Variants in LINGO1 observed in about 807,000 individuals in gnomAD.
LINGO1 encodes leucine rich repeat and Ig domain containing 1.
Under a neutral mutation model 37.3 loss-of-function variants are expected in LINGO1, and 11 were observed. That is an observed-to-expected ratio of 0.29 (90% CI 0.19 to 0.49). The LOEUF (loss-of-function observed/expected upper bound fraction) is 0.49. LINGO1 is among the 20% of genes least tolerant of loss of function. The pLI, the probability that LINGO1 is intolerant of heterozygous loss-of-function variation, is 0.99. For missense variants in LINGO1, 585 were observed against 878.2 expected (o/e 0.67, Z 4.22); for synonymous variants, 387 against 403.0 (o/e 0.96, Z 0.48).
chr15:77,643,356 C>A (rs1028707130), intron 3 of LINGO1, among the ~76,000 whole-genome samples: 5 of 152,192 alleles, frequency 3.3e-5, no homozygotes, highest in African/African-American at 1.2e-4. Flanking sequence ...AGAGGCAAAC[C>A]TCAGGGTAGG....
At chr15:77,787,697 C>T (rs2076785685), upstream of LINGO1, among the ~76,000 whole-genome samples, 2 of 152,174 alleles carry the variant, frequency 1.3e-5, no homozygotes, top group South Asian at 2.1e-4. Context: ...TGCCCATCTT[C>T]AGCGTCCCCA....
Position 77,618,020 on chromosome 15 carries a change from C to A in LINGO1, c.7-2120G>T, listed in dbSNP as rs1292237612. On this transcript the variant is annotated intron_variant, in intron 1 of 1. Transcript: ENST00000355300. ...CCAGGCTATTTTCCACAGTCACACACGCTCCAGTGACCCACCAGAAAAGCA... is the reference window on the plus strand; with the variant it reads ...CCAGGCTATTTTCCACAGTCACACAAGCTCCAGTGACCCACCAGAAAAGCA... 2.6e-5 allele frequency among the ~76,000 whole-genome samples: 4 copies of A among 152,198 alleles called. No homozygotes were observed. In the East Asian group the frequency reaches 7.7e-4, roughly 29 times the overall value.
upstream of LINGO1, chr15:77,787,891 C>T (rs951279837): frequency 7.2e-5 from 11 of 152,234 alleles, no homozygotes; most frequent in African/African-American, 2.7e-4. Flanking sequence ...CTCCCCAGAA[C>T]CTGCAGACTA....
chr15:77,646,964 G>A (rs919777138), intron 3 of LINGO1, among the ~76,000 whole-genome samples: 6 of 152,206 alleles, frequency 3.9e-5, no homozygotes, highest in African/African-American at 1.2e-4. Flanking sequence ...CTTTACAGGG[G>A]AGGGAACGGG....
At chr15:77,715,762 C>T (rs929404335) in intron 2 of LINGO1, among the ~76,000 whole-genome samples, 2 of 152,180 alleles carry the variant, frequency 1.3e-5, no homozygotes, top group Non-Finnish European at 2.9e-5. Context: ...TCCAAATATC[C>T]TTTCTGCCTG....
At chr15:77,663,067 T>C (rs990527432) in intron 3 of LINGO1, among the ~76,000 whole-genome samples, 4 of 152,200 alleles carry the variant, frequency 2.6e-5, no homozygotes, top group Admixed American at 6.5e-5. Flanking sequence ...CTCACCTCCA[T>C]AGACATCCAG....
intron 3 of LINGO1, chr15:77,646,330 C>A: frequency 2.6e-6 from 1 of 382,396 alleles, no homozygotes. Flanking sequence ...TACATGGAGG[C>A]GCCTCCCCAG....
At chr15:77,781,590 T>C (rs2076717433) in intron 1 of LINGO1, among the ~76,000 whole-genome samples, 1 of 152,256 alleles carries the variant, frequency 6.6e-6, no homozygotes, top group Non-Finnish European at 1.5e-5. Flanking sequence ...CCCCAGTCGC[T>C]GCACGTGGTG....
At chr15:77,695,328 G>A (rs554762324) in intron 1 of LINGO1, among the ~76,000 whole-genome samples, 1 of 152,210 alleles carries the variant, frequency 6.6e-6, no homozygotes, top group South Asian at 2.1e-4. Context: ...TGGGGTGGGA[G>A]GGAGAAGGCG....
At chr15:77,658,298 C>T (rs2074912177) in intron 3 of LINGO1, among the ~76,000 whole-genome samples, 1 of 152,238 alleles carries the variant, frequency 6.6e-6, no homozygotes, top group African/African-American at 2.4e-5. Context: ...CCAAAGCCCA[C>T]CCTTGTAGTA....
Position 77,664,170 on chromosome 15 carries a change from TGC to T in LINGO1, c.-13+12917_-13+12918del, listed in dbSNP as rs143405934. Among the ~76,000 whole-genome samples the T allele has an allele frequency of 9.8e-4, 128 of 131,004 alleles. 1 individual carries two copies. The highest frequency in any genetic ancestry group is 1.4e-3 in the Non-Finnish European group (88 of 64,704). 85.9% of individuals were successfully genotyped at this position (131,004 alleles called of 152,430 possible). A position where few individuals can be genotyped will look rare whatever the true frequency, so the allele number is the denominator to read the frequency against. On this transcript the variant is annotated intron_variant, in intron 3 of 3. Coordinates refer to the LINGO1 transcript ENST00000559893. Reference sequence around the variant, plus strand: ...GTGTGTGTGTGTGTGTGTGTGTGTGTGCGCGCGCGCATGCGTTTGCATTCTCA... The same window carrying T: ...GTGTGTGTGTGTGTGTGTGTGTGTGTGCGCGCGCATGCGTTTGCATTCTCA...
At position 77,613,911 on chromosome 15, in the gene LINGO1, G is replaced by A; in HGVS notation, c.*133C>T. 1 of 774,240 alleles carries A rather than the reference G, an allele frequency of 1.3e-6. No homozygotes were observed. Among genetic ancestry groups the A allele is most frequent in the South Asian group, 1.8e-5 (1 of 54,252 alleles). 48.0% of individuals were successfully genotyped at this position (774,240 alleles called of 1,614,324 possible). A position where few individuals can be genotyped will look rare whatever the true frequency, so the allele number is the denominator to read the frequency against. Reference sequence around the variant, plus strand: ...GGGCTGGCGGGGGGCAGCAGGGGACGGAGGCGGGAGGGAGAAAGAGAACGT... The same window carrying A: ...GGGCTGGCGGGGGGCAGCAGGGGACAGAGGCGGGAGGGAGAAAGAGAACGT... On this transcript the variant is annotated 3_prime_UTR_variant, in exon 2 of 2. Coordinates refer to ENST00000355300, the MANE Select transcript of LINGO1 (RefSeq NM_032808.7).
chr15:77,697,172 G>T (rs550974861), upstream of LINGO1, among the ~76,000 whole-genome samples: 18 of 152,322 alleles, frequency 1.2e-4, no homozygotes, highest in African/African-American at 4.3e-4. Context: ...CTGTGTAGGG[G>T]CTGGAGCAGC....
At chr15:77,751,018 G>C (rs766482896) in intron 1 of LINGO1, among the ~76,000 whole-genome samples, 1 of 152,148 alleles carries the variant, frequency 6.6e-6, no homozygotes, top group African/African-American at 2.4e-5. Flanking sequence ...GCAGCGTGGA[G>C]GGTATTCCGC....
At chr15:77,749,188 G>A (rs1348693137) in intron 1 of LINGO1, among the ~76,000 whole-genome samples, 4 of 152,050 alleles carry the variant, frequency 2.6e-5, no homozygotes, top group African/African-American at 9.7e-5. Context: ...GATTACAGGG[G>A]TGAGCCACTG....
At chr15:77,795,539 A>G (rs893158691) in intron 2 of LINGO1, among the ~76,000 whole-genome samples, 1 of 152,186 alleles carries the variant, frequency 6.6e-6, no homozygotes, top group Non-Finnish European at 1.5e-5. Flanking sequence ...AGCCAATGTC[A>G]GCCTCTTGAC....
intron 1 of LINGO1, among the ~76,000 whole-genome samples, chr15:77,765,280 C>A (rs140965559): frequency 3.3e-5 from 5 of 151,988 alleles, no homozygotes; most frequent in African/African-American, 1.2e-4. Context: ...CCAGCTGCGG[C>A]GGTGCACACT....
intron 2 of LINGO1, among the ~76,000 whole-genome samples, chr15:77,727,571 G>A (rs529916076): frequency 6.6e-6 from 1 of 152,320 alleles, no homozygotes; most frequent in South Asian, 2.1e-4. Flanking sequence ...AAGGCTGCCA[G>A]GGGCTGTGGG....
intron 1 of LINGO1, among the ~76,000 whole-genome samples, chr15:77,781,780 C>T (rs2076719905): frequency 6.6e-6 from 1 of 152,244 alleles, no homozygotes; most frequent in Non-Finnish European, 1.5e-5. Flanking sequence ...CAGTGGGGAG[C>T]TGCCGGTGTT....
Sources: allele counts gnomAD v4.1 joint callset (sites outside exome capture counted in the v4.1 genomes callset), GRCh38; gene constraint gnomAD v4.1.1; transcripts MANE v1.5; gene names NCBI Gene and HGNC (gene_info 2026-07-23, HGNC 2026-07-21).